The following C2CD3 variants were observed in gnomAD, a reference collection of about 807,000 sequenced individuals.
C2CD3 encodes C2 domain-containing protein 3.
Under a neutral mutation model 234.0 loss-of-function variants are expected in C2CD3, and 148 were observed. The observed-to-expected ratio is 0.63, with a 90% CI of 0.55 to 0.72. The LOEUF (loss-of-function observed/expected upper bound fraction) is 0.72. Among genes scored for constraint, C2CD3 ranks in the 30% least tolerant of loss-of-function variants. The pLI, the probability that C2CD3 is intolerant of heterozygous loss-of-function variation, is 0.00. For synonymous variants in C2CD3, 1,000 were observed against 1,035.4 expected, an observed-to-expected ratio of 0.97 and a Z score of 0.66; for missense variants, 2,577 against 2,811.5, an observed-to-expected ratio of 0.92 and a Z score of 1.89.
At chr11:74,034,365 C>G in intron 30 of C2CD3, 87 bp from the exon 31 acceptor site, 2 of 1,478,008 alleles carry the variant, frequency 1.4e-6, no homozygotes, top group South Asian at 1.4e-5. Flanking sequence ...TTCAGAAGCA[C>G]TATGGCAATC....
intron 20 of C2CD3, among the ~76,000 whole-genome samples, 197 bp from the exon 21 acceptor site, chr11:74,086,083 T>G (rs1018208318): frequency 1.3e-5 from 2 of 151,744 alleles, no homozygotes; most frequent in Non-Finnish European, 2.9e-5. Context: ...TATATGGGAG[T>G]GGAGGGGATA....
intron 3 of C2CD3, among the ~76,000 whole-genome samples, chr11:74,157,020 C>A (rs869616): frequency 0.21 from 32,012 of 152,076 alleles, 3,948 homozygotes; most frequent in Admixed American, 0.3. Context: ...GTACTCCTCC[C>A]GATTTCATTT....
In C2CD3 at chr11:74,170,840, T is replaced by C; in HGVS notation, c.-48A>G. 1 of 1,612,206 alleles carries C rather than the reference T, an allele frequency of 6.2e-7. No individual in the cohort carries two copies. Among genetic ancestry groups the C allele is most frequent in the South Asian group, 1.1e-5 (1 of 90,984 alleles). ...CCAGCTCAACTCCGTCTCCAGCACC[T>C]AAGCAGTATCCTCCCGCCATCCCTC... On this transcript the variant is annotated 5_prime_UTR_variant, in exon 1 of 33. Transcript: ENST00000334126.
intron 7 of C2CD3, among the ~76,000 whole-genome samples, chr11:74,126,019 AAAAT>A (rs1479663210): frequency 6.6e-6 from 1 of 152,116 alleles, no homozygotes; most frequent in Non-Finnish European, 1.5e-5. Context: ...CTTTCTTCCT[AAAAT>A]AAATGTTCAG....
Position 74,042,105 on chromosome 11 carries a change from T to C in C2CD3, c.5609A>G (p.Lys1870Arg). ...GGAGGACAAAGGTGATGTGGTCAGT[T>C]TGTCATCACATGGCAAGGGTGCCTC... ...QGEAPLPCDD[K>R]LTTSPLSSQT... is the part of the protein sequence containing the mutation. Residue 1870 changes from lysine to arginine, a missense_variant, in exon 29 of 33, where the codon AAA becomes AGA. Coordinates refer to ENST00000334126, the MANE Select transcript of C2CD3 (RefSeq NM_001286577.2). 1.9e-6 allele frequency: 3 copies of C among 1,614,086 alleles called. No individual in the cohort carries two copies. Among genetic ancestry groups the C allele is most frequent in the African/African-American group, 2.7e-5 (2 of 74,982 alleles).
chr11:74,142,993 C>T (rs186373692), intron 3 of C2CD3, among the ~76,000 whole-genome samples: 108 of 152,292 alleles, frequency 7.1e-4, no homozygotes, highest in African/African-American at 2.5e-3. Flanking sequence ...CTCAAAGTCT[C>T]TTCCAATAGA....
rs1402789227 is a variant in C2CD3 at position 74,093,921 on chromosome 11, G to C, written c.3239C>G (p.Ser1080Cys). Reference sequence around the variant, plus strand: ...TGGAACCTCAGCTGGCAACAGGAGAGAGTGATGGTGTTCACTATTAAAGAT... The same window carrying C: ...TGGAACCTCAGCTGGCAACAGGAGACAGTGATGGTGTTCACTATTAAAGAT... ...DPIFNSEHHH[S>C]LLLPAEVPVQ... Residue 1080 changes from serine to cysteine, a missense_variant, in exon 18 of 33, where the codon TCT (serine) becomes TGT (cysteine). Coordinates refer to ENST00000334126, the MANE Select transcript of C2CD3 (RefSeq NM_001286577.2). 4 of 1,614,062 alleles carry C rather than the reference G, an allele frequency of 2.5e-6. No homozygotes were observed. The highest frequency in any genetic ancestry group is 3.4e-6 in the Non-Finnish European group (4 of 1,179,894).
chr11:74,037,118 G>A (rs1469462844), intron 30 of C2CD3, among the ~76,000 whole-genome samples: 2 of 152,168 alleles, frequency 1.3e-5, no homozygotes, highest in Admixed American at 6.5e-5. Flanking sequence ...AGTGGCACAA[G>A]TTCAAGAATT....
At position 74,139,788 on chromosome 11, in the gene C2CD3, C is replaced by T. The variant is rs1957985769; in HGVS notation, c.524G>A (p.Ser175Asn). The T allele has an allele frequency of 6.2e-7, 1 of 1,613,482 alleles. No homozygotes were observed. Among genetic ancestry groups the T allele is most frequent in the Non-Finnish European group, 8.5e-7 (1 of 1,179,572 alleles). ...GTCAGTGGTAGGAAGTGGATGGTAG[C>T]TGTCGTAAGTTTCTGACAGAGGTTC... ...ALEPLSETYD[S>N]YHPLPTTDMT... Residue 175 changes from serine (S) to asparagine (N), a missense_variant, in exon 4 of 33, where the codon AGC becomes AAC. Physicochemically the swap from Ser to Asn is conservative, Grantham distance 46. Transcript: ENST00000334126.
intron 9 of C2CD3, among the ~76,000 whole-genome samples, chr11:74,116,823 T>C (rs1956946999): frequency 6.9e-6 from 1 of 145,314 alleles, no homozygotes; most frequent in Admixed American, 6.9e-5. Context: ...CACACACATA[T>C]ATACGTGTGT....
intron 32 of C2CD3, among the ~76,000 whole-genome samples, chr11:74,026,241 C>A (rs1048735765): frequency 1.3e-5 from 2 of 151,480 alleles, no homozygotes; most frequent in Non-Finnish European, 2.9e-5. Flanking sequence ...CAGGAGTTTG[C>A]GGGTGCAGGG....
intron 7 of C2CD3, among the ~76,000 whole-genome samples, chr11:74,126,495 C>A (rs1565323608): frequency 1.3e-5 from 2 of 152,306 alleles, no homozygotes; most frequent in East Asian, 1.9e-4. Flanking sequence ...GTAATCCCAG[C>A]ACTTTGGGAG....
Position 74,117,361 on chromosome 11 carries a change from A to AATATAT in C2CD3, c.1520+861_1520+866dup, listed in dbSNP as rs71469494. On this transcript the variant is annotated intron_variant, in intron 9 of 32. Transcript: ENST00000334126. Reference sequence around the variant, plus strand: ...ACATCGTCTAAGTCATTTGGCCTCAAATATATATATATATATATATATATA... The same window carrying AATATAT: ...ACATCGTCTAAGTCATTTGGCCTCAAATATATATATATATATATATATATATATATA... Among the ~76,000 whole-genome samples the AATATAT allele has an allele frequency of 3.0e-3, 284 of 94,824 alleles. 2 individuals are homozygous for AATATAT. Among genetic ancestry groups the AATATAT allele is most frequent in the African/African-American group, 7.2e-3 (177 of 24,632 alleles). The allele number at this position is 94,824 out of a possible 152,430, so 62.2% of individuals were successfully genotyped here.
chr11:74,120,761 C>T (rs945048092), intron 8 of C2CD3, among the ~76,000 whole-genome samples: 1 of 152,150 alleles, frequency 6.6e-6, no homozygotes, highest in Non-Finnish European at 1.5e-5. Context: ...AAAAGCATTC[C>T]TATTTCTCCA....
At chr11:74,020,889 G>A (rs1726763) in intron 32 of C2CD3, among the ~76,000 whole-genome samples, 4,080 of 152,282 alleles carry the variant, frequency 0.027, 189 homozygotes, top group African/African-American at 0.093. Flanking sequence ...CTGATTTAAC[G>A]TCTTAAAAAG....
chr11:74,135,311 A>C (rs1198075799), intron 5 of C2CD3, among the ~76,000 whole-genome samples: 1 of 150,592 alleles, frequency 6.6e-6, no homozygotes, highest in Non-Finnish European at 1.5e-5. Context: ...TCTGTTACCC[A>C]GGCTAGAGTG....
Position 74,085,872 on chromosome 11 carries a change from C to T in C2CD3, c.3656G>A (p.Arg1219Gln), listed in dbSNP as rs826058. 493,634 of 1,611,248 alleles carry T rather than the reference C, an allele frequency of 0.31. 79,117 individuals carry two copies. The highest frequency in any genetic ancestry group is 0.53 in the African/African-American group (39,554 of 74,824). Residue 1219 changes from arginine to glutamine, a missense_variant, in exon 21 of 33, where the codon CGG becomes CAG. Transcript: ENST00000334126. ...LQAAAKALAE[R>Q]EPALQFSATV... ...GGCACTAAACTGTAGAGCGGGTTCCCGTTCAGCCAAAGCCCTGTAGAGGAG... is the reference window on the plus strand; with the variant it reads ...GGCACTAAACTGTAGAGCGGGTTCCTGTTCAGCCAAAGCCCTGTAGAGGAG...
intron 17 of C2CD3, among the ~76,000 whole-genome samples, chr11:74,094,774 G>T (rs943672611): frequency 1.3e-5 from 2 of 152,136 alleles, no homozygotes; most frequent in Non-Finnish European, 2.9e-5. Context: ...AGTTGTTTTA[G>T]GAGTTAAGAT....
chr11:74,128,354 G>A (rs1957486376), intron 7 of C2CD3, among the ~76,000 whole-genome samples: 1 of 151,936 alleles, frequency 6.6e-6, no homozygotes, highest in Non-Finnish European at 1.5e-5. Flanking sequence ...CACTTTCATA[G>A]TGTCCTTTGA....
Sources: gnomAD v4.1 joint callset for allele counts (sites outside exome capture counted in the v4.1 genomes callset) on GRCh38, gnomAD v4.1.1 for gene constraint, MANE v1.5 for transcripts, NCBI Gene and HGNC (gene_info 2026-07-23, HGNC 2026-07-21) for gene names.